The following FUT8 variants were observed in gnomAD, a reference collection of about 807,000 sequenced individuals.
The protein encoded by FUT8 is fucosyltransferase 8.
A neutral mutation model predicts 71.3 loss-of-function variants in FUT8; 29 were observed. The ratio of observed to expected loss-of-function variants is 0.41; its 90% CI spans 0.30 to 0.55. The LOEUF is 0.55. FUT8 is among the 20% of genes least tolerant of loss of function. The pLI is 0.34. For synonymous variants in FUT8, 254 were observed against 239.3 expected (o/e 1.06, Z -0.57); for missense variants, 544 against 702.1 (o/e 0.77, Z 2.55).
intron 6 of FUT8, among the ~76,000 whole-genome samples, chr14:65,647,077 C>T (rs1203892843): frequency 1.3e-5 from 2 of 152,184 alleles, no homozygotes; most frequent in African/African-American, 4.8e-5. Flanking sequence ...TGAAAAACTT[C>T]TCTGTGAAAG....
In FUT8 at chr14:65,545,383, A is replaced by G. The variant is rs1421145115; in HGVS notation, c.-227-15954A>G. ...ATGGCTCTTAAAATGTTTGTACATT[A>G]TAATTGATAATTAGCTTTTCTTTAA... On this transcript the variant is annotated intron_variant, in intron 2 of 10. Transcript: ENST00000673929. 2.0e-5 allele frequency among the ~76,000 whole-genome samples: 3 copies of G among 152,074 alleles called. No individual in the cohort carries two copies. The East Asian group carries it at 5.8e-4, about 29-fold the overall frequency.
At chr14:65,530,234 A>AC (rs1883849335) in intron 2 of FUT8, among the ~76,000 whole-genome samples, 1 of 152,144 alleles carries the variant, frequency 6.6e-6, no homozygotes, top group African/African-American at 2.4e-5. Context: ...TTCACCTCCT[A>AC]CATACTACAG....
At chr14:65,716,532 G>C (rs1895071543) in intron 7 of FUT8, among the ~76,000 whole-genome samples, 1 of 151,888 alleles carries the variant, frequency 6.6e-6, no homozygotes, top group Non-Finnish European at 1.5e-5. Flanking sequence ...ATGTTTCAGA[G>C]AGCACACGGT....
At chr14:65,714,339 G>C (rs1308186553) in intron 7 of FUT8, among the ~76,000 whole-genome samples, 2 of 152,114 alleles carry the variant, frequency 1.3e-5, no homozygotes, top group Non-Finnish European at 2.9e-5. Context: ...TTTGAAGTCA[G>C]ATAATGTGAT....
chr14:65,707,930 G>C lies in FUT8; in HGVS notation c.836-13845G>C, dbSNP rs533702777. On this transcript the variant is annotated intron_variant, in intron 7 of 10. Coordinates refer to ENST00000673929, the MANE Select transcript of FUT8 (RefSeq NM_001371533.1). ...CTCCAGCTTTGTTCTTTTTGCTCAA[G>C]ATTGCCTTGACTATTTGGGTTTTTT... Among the ~76,000 whole-genome samples the C allele has an allele frequency of 2.6e-5, 4 of 152,274 alleles. No homozygotes were observed. The East Asian group carries it at 7.7e-4, about 29-fold the overall frequency.
At chr14:65,450,145 G>T (rs2065800547) in intron 1 of FUT8, among the ~76,000 whole-genome samples, 2 of 152,054 alleles carry the variant, frequency 1.3e-5, no homozygotes, top group African/African-American at 2.4e-5. Flanking sequence ...GACTCAATGG[G>T]CCATTTGCTG....
chr14:65,530,956 A>G (rs1182255150), intron 2 of FUT8, among the ~76,000 whole-genome samples: 3 of 146,348 alleles, frequency 2.0e-5, no homozygotes, highest in Non-Finnish European at 3.0e-5. Flanking sequence ...CAATTTTTTT[A>G]TTGGTAAAAA....
At chr14:65,508,762 A>G (rs916847864) in intron 2 of FUT8, among the ~76,000 whole-genome samples, 4 of 152,008 alleles carry the variant, frequency 2.6e-5, no homozygotes, top group African/African-American at 9.7e-5. Flanking sequence ...TCCGCCTCCC[A>G]AAGTGCTGGG....
the FUT8 span, among the ~76,000 whole-genome samples, chr14:65,382,239 C>T: frequency 1.2e-4 from 19 of 152,326 alleles, no homozygotes; most frequent in East Asian, 3.7e-3. Flanking sequence ...CTGTTTTGCT[C>T]TGGATTAGTG....
At chr14:65,657,527 T>C (rs1891740977) in intron 6 of FUT8, among the ~76,000 whole-genome samples, 1 of 152,020 alleles carries the variant, frequency 6.6e-6, no homozygotes, top group Non-Finnish European at 1.5e-5. Flanking sequence ...AGCAACAACA[T>C]GGATGGAACT....
Position 65,742,488 on chromosome 14 carries a change from G to A in FUT8, c.*78G>A. ...AAACCATTTCAGCCAAACTGTAGAT[G>A]AAGAGGGCTCTGATCTAACAAAATA... On this transcript the variant is annotated 3_prime_UTR_variant, in exon 11 of 11. Transcript: ENST00000673929. The A allele has an allele frequency of 1.6e-6, 2 of 1,226,088 alleles. No homozygotes were observed. Among genetic ancestry groups the A allele is most frequent in the South Asian group, 2.9e-5 (2 of 68,304 alleles). 76.0% of individuals were successfully genotyped at this position (1,226,088 alleles called of 1,614,324 possible). A position where few individuals can be genotyped will look rare whatever the true frequency, so the allele number is the denominator to read the frequency against.
chr14:65,593,839 G>A (rs548745581), intron 3 of FUT8, among the ~76,000 whole-genome samples: 3 of 152,234 alleles, frequency 2.0e-5, no homozygotes, highest in African/African-American at 4.8e-5. Context: ...GCCTCCCAAA[G>A]TGCTGGGATT....
intron 2 of FUT8, among the ~76,000 whole-genome samples, chr14:65,527,554 A>C (rs1395006392): frequency 3.3e-5 from 5 of 152,082 alleles, no homozygotes; most frequent in African/African-American, 1.2e-4. Context: ...GAAGCCTCTT[A>C]TCTCAACTCA....
chr14:65,700,422 G>T (rs1411342173), intron 7 of FUT8, among the ~76,000 whole-genome samples: 162 of 34,914 alleles, frequency 4.6e-3, no homozygotes, highest in African/African-American at 0.014. Context: ...ACGGAGTCTT[G>T]CTTTGTTGCC....
At chr14:65,373,471 T>C in the FUT8 span, among the ~76,000 whole-genome samples, 130 of 151,542 alleles carry the variant, frequency 8.6e-4, 2 homozygotes, top group African/African-American at 3.0e-3. Context: ...AGAGAGGAGA[T>C]AGGATGCAGA....
In FUT8 at chr14:65,599,317, C is replaced by T. The variant is rs58925725; in HGVS notation, c.204-16661C>T. 9.3e-3 allele frequency among the ~76,000 whole-genome samples: 1,417 copies of T among 152,190 alleles called. 22 individuals are homozygous for T. Among genetic ancestry groups the T allele is most frequent in the African/African-American group, 0.032 (1,349 of 41,512 alleles). On this transcript the variant is annotated intron_variant, in intron 3 of 10. Transcript: ENST00000673929. The stretch of plus-strand genomic sequence containing the variant: ...AAACTCATTGAGCATTACCATGTTT[C>T]CCCCCATCTCCCTATACTTCTAACA...
At chr14:65,405,596 A>G (rs1031290335), upstream of FUT8, among the ~76,000 whole-genome samples, 1 of 152,202 alleles carries the variant, frequency 6.6e-6, no homozygotes, top group African/African-American at 2.4e-5. Flanking sequence ...ACCTACCTGG[A>G]AATAGCTTAG....
chr14:65,427,866 G>A (rs2065413751), intron 1 of FUT8, among the ~76,000 whole-genome samples: 1 of 152,118 alleles, frequency 6.6e-6, no homozygotes, highest in Non-Finnish European at 1.5e-5. Context: ...GGCAACCACT[G>A]ATCTGCTTTT....
the FUT8 span, among the ~76,000 whole-genome samples, chr14:65,397,536 C>T: frequency 6.6e-6 from 1 of 152,204 alleles, no homozygotes; most frequent in Non-Finnish European, 1.5e-5. This position sits in a 1 kb window ranked among gnomAD's most constrained non-coding sequence, Gnocchi z 4.2. Flanking sequence ...CTGGTTTCCA[C>T]CTATATCCCA....
Sources: allele counts gnomAD v4.1 joint callset (sites outside exome capture counted in the v4.1 genomes callset), GRCh38; gene constraint gnomAD v4.1.1; non-coding constraint Gnocchi (gnomAD v3.1); transcripts MANE v1.5; gene names NCBI Gene and HGNC (gene_info 2026-07-23, HGNC 2026-07-21).